KCNQ1: variants seen among roughly 807,000 people sequenced by gnomAD.
The protein encoded by KCNQ1 is potassium voltage-gated channel subfamily KQT member 1.
In KCNQ1, 49 loss-of-function variants were observed where a neutral mutation model predicts 72.4. The ratio of observed to expected loss-of-function variants is 0.68; its 90% CI spans 0.54 to 0.86. The LOEUF (loss-of-function observed/expected upper bound fraction) is 0.86. Ranked by LOEUF, KCNQ1 falls within the 40% of genes least tolerant of loss-of-function variation. The probability of loss-of-function intolerance (pLI) is 0.00; values close to 1 mark genes in which losing one functional copy is unlikely to be tolerated. For missense variants in KCNQ1, 790 were observed against 945.1 expected, an observed-to-expected ratio of 0.84 and a Z score of 2.15; for synonymous variants, 450 against 412.6, an observed-to-expected ratio of 1.09 and a Z score of -1.10.
rs11827207 is a variant in KCNQ1, at chr11:2,673,481, G to A, written c.1514+11400G>A. 7,686 of 398,632 alleles carry A rather than the reference G, an allele frequency of 0.019. 232 individuals are homozygous for A. Among genetic ancestry groups the A allele is most frequent in the East Asian group, 0.095 (2,656 of 28,070 alleles). 24.7% of individuals were successfully genotyped at this position (398,632 alleles called of 1,614,324 possible). Reference sequence around the variant, plus strand: ...GCCGGAACACCTGAAAAGCCATACAGACTCCTGCTCATCACAACCACTTGT... The same window carrying A: ...GCCGGAACACCTGAAAAGCCATACAAACTCCTGCTCATCACAACCACTTGT... On this transcript the variant is annotated intron_variant, in intron 11 of 15. Coordinates refer to ENST00000155840, the MANE Select transcript of KCNQ1 (RefSeq NM_000218.3). The surrounding 1 kb of genome is among the most constrained non-coding windows in gnomAD (Gnocchi z 4.5).
At chr11:2,472,027 GTT>G (rs1197787146) in intron 1 of KCNQ1, among the ~76,000 whole-genome samples, 1 of 146,278 alleles carries the variant, frequency 6.8e-6, no homozygotes. Context: ...TGTATGTATG[GTT>G]GTGTGTGTAT....
intron 11 of KCNQ1, chr11:2,692,780 T>G (rs1850609499): frequency 2.5e-6 from 1 of 398,668 alleles, no homozygotes; most frequent in Admixed American, 4.4e-5. Context: ...GCTGAGTGTT[T>G]GACAAATATT....
Position 2,477,768 on chromosome 11 carries a change from C to T in KCNQ1, c.386+32284C>T, listed in dbSNP as rs950553430. 2.0e-5 allele frequency among the ~76,000 whole-genome samples: 3 copies of T among 150,912 alleles called. No individual in the cohort carries two copies. The highest frequency in any genetic ancestry group is 1.9e-4 in the East Asian group (1 of 5,148). ...AAAAAAGACCATACATACACACATG[C>T]ACACACAACAGTGGTAATGGATTAT... On this transcript the variant is annotated intron_variant, in intron 1 of 15. Transcript: ENST00000155840. This position sits in a 1 kb window ranked among gnomAD's most constrained non-coding sequence, Gnocchi z 5.0.
chr11:2,530,666 C>G (rs1046605129), intron 2 of KCNQ1, among the ~76,000 whole-genome samples: 4 of 152,210 alleles, frequency 2.6e-5, no homozygotes, highest in Non-Finnish European at 5.9e-5. Context: ...CACGTGGGGA[C>G]TTTCACGCAT....
At chr11:2,842,966 G>A (rs545868307) in intron 15 of KCNQ1, among the ~76,000 whole-genome samples, 87 of 152,314 alleles carry the variant, frequency 5.7e-4, no homozygotes, top group African/African-American at 1.9e-3. Flanking sequence ...GCCAGGAAGC[G>A]GCAGAGGCAG....
chr11:2,737,595 A>G (rs1230931989), intron 11 of KCNQ1, among the ~76,000 whole-genome samples: 3 of 152,170 alleles, frequency 2.0e-5, no homozygotes, highest in Admixed American at 1.3e-4. Flanking sequence ...TATGATCCCA[A>G]CGTGAGTGAA....
At chr11:2,585,491 C>A (rs1392666235) in intron 8 of KCNQ1, among the ~76,000 whole-genome samples, 184 bp downstream of exon 8, 1 of 152,250 alleles carries the variant, frequency 6.6e-6, no homozygotes, top group Admixed American at 6.5e-5. Flanking sequence ...GGCATTGGAG[C>A]CTGTCTTCCT....
In KCNQ1 at chr11:2,473,551, GCGCTCAGCATGGCACAGA is replaced by G. The variant is rs1846523914; in HGVS notation, c.386+28076_386+28093del. Among the ~76,000 whole-genome samples, 1 of 152,250 alleles carries G rather than the reference GCGCTCAGCATGGCACAGA, an allele frequency of 6.6e-6. No individual in the cohort carries two copies. The highest frequency in any genetic ancestry group is 2.4e-5 in the African/African-American group (1 of 41,462). ...TCGTTGAGTCCCCTGCCGTGGGACAGCGCTCAGCATGGCACAGACGCTCAGCCGTGTCATGTGGCTTGT... is the reference window on the plus strand; with the variant it reads ...TCGTTGAGTCCCCTGCCGTGGGACAGCGCTCAGCCGTGTCATGTGGCTTGT... On this transcript the variant is annotated intron_variant, in intron 1 of 15. Coordinates refer to ENST00000155840, the MANE Select transcript of KCNQ1 (RefSeq NM_000218.3). The surrounding 1 kb of genome is among the most constrained non-coding windows in gnomAD (Gnocchi z 6.0).
chr11:2,755,413 G>C (rs1386908607), intron 11 of KCNQ1, among the ~76,000 whole-genome samples: 1 of 152,116 alleles, frequency 6.6e-6, no homozygotes. Context: ...ACCGCGCCTG[G>C]CTAATTTTGT....
At chr11:2,583,374 C>T in intron 6 of KCNQ1, 61 bp from the exon 7 acceptor site, 4 of 1,177,806 alleles carry the variant, frequency 3.4e-6, no homozygotes, top group Non-Finnish European at 5.1e-6. Context: ...TTGGGTTAGG[C>T]AGTTGGCCCT....
chr11:2,755,663 C>A (rs1453972340), intron 11 of KCNQ1, among the ~76,000 whole-genome samples: 1 of 152,206 alleles, frequency 6.6e-6, no homozygotes, highest in Non-Finnish European at 1.5e-5. Flanking sequence ...ATACAAAGTC[C>A]CTTTTCCATA....
At chr11:2,792,519 G>C (rs1005698841) in intron 15 of KCNQ1, among the ~76,000 whole-genome samples, 4 of 152,242 alleles carry the variant, frequency 2.6e-5, no homozygotes, top group Non-Finnish European at 4.4e-5. Flanking sequence ...GTCAGACCCA[G>C]GCCTTTCAAG....
intron 11 of KCNQ1, chr11:2,699,557 G>A (rs1331035677): frequency 1.2e-5 from 4 of 333,612 alleles, no homozygotes; most frequent in Non-Finnish European, 2.1e-5. Flanking sequence ...ACCGCGCGGA[G>A]GAGAACCATG....
intron 10 of KCNQ1, chr11:2,630,087 A>C (rs1160570657): frequency 2.5e-6 from 1 of 398,398 alleles, no homozygotes; most frequent in Non-Finnish European, 4.4e-6. Context: ...GTTGCAGTAC[A>C]TTCCTTCTAT....
intron 15 of KCNQ1, among the ~76,000 whole-genome samples, chr11:2,810,147 T>C (rs1267005115): frequency 6.6e-6 from 1 of 152,258 alleles, no homozygotes; most frequent in Admixed American, 6.5e-5. Context: ...AGAAGTCTTA[T>C]ACTTGCTTTA....
In KCNQ1 at chr11:2,652,277, G is replaced by A. The variant is rs189051421; in HGVS notation, c.1394-9684G>A. 207 of 398,606 alleles carry A rather than the reference G, an allele frequency of 5.2e-4. No homozygotes were observed. Among genetic ancestry groups the A allele is most frequent in the African/African-American group, 3.6e-3 (175 of 48,740 alleles). The allele number at this position is 398,606 out of a possible 1,614,324, so 24.7% of individuals were successfully genotyped here. ...TAAACATTCTGAGAACATCTGCACC[G>A]GTTTCCAAGGCTTCTCCCTCACTAA... On this transcript the variant is annotated intron_variant, in intron 10 of 15. Transcript: ENST00000155840. The surrounding 1 kb of genome is among the most constrained non-coding windows in gnomAD (Gnocchi z 5.9).
rs765906775 is a variant in KCNQ1, at chr11:2,641,929, A to C, written c.1394-20032A>C. The C allele has an allele frequency of 1.3e-5, 5 of 398,478 alleles. No homozygotes were observed. In the East Asian group the frequency reaches 1.8e-4, roughly 14 times the overall value. 24.7% of individuals were successfully genotyped at this position (398,478 alleles called of 1,614,324 possible). On this transcript the variant is annotated intron_variant, in intron 10 of 15. Coordinates refer to ENST00000155840, the MANE Select transcript of KCNQ1 (RefSeq NM_000218.3). ...TATGTTCTTGGCATCTTTGTCAAAA[A>C]TCAGTTGGCTGTAAATACATGGATT...
chr11:2,642,706 GT>G lies in KCNQ1; in HGVS notation c.1394-19252del. ...ATTTCTTTCCTTCTACTAATTTTATGTTTAGTATGGTTTGTTCTTGCTTTTC... is the reference window on the plus strand; with the variant it reads ...ATTTCTTTCCTTCTACTAATTTTATGTTAGTATGGTTTGTTCTTGCTTTTC... On this transcript the variant is annotated intron_variant, in intron 10 of 15. Coordinates refer to ENST00000155840, the MANE Select transcript of KCNQ1 (RefSeq NM_000218.3). This position sits in a 1 kb window ranked among gnomAD's most constrained non-coding sequence, Gnocchi z 4.3. 2.5e-6 allele frequency: 1 copy of G among 397,604 alleles called. No individual in the cohort carries two copies. The highest frequency in any genetic ancestry group is 1.3e-4 in the South Asian group (1 of 7,842). 24.6% of individuals were successfully genotyped at this position (397,604 alleles called of 1,614,324 possible).
intron 15 of KCNQ1, among the ~76,000 whole-genome samples, chr11:2,794,652 C>G (rs544238905): frequency 1.3e-5 from 2 of 152,036 alleles, no homozygotes; most frequent in African/African-American, 4.8e-5. Context: ...CATGGAGGGG[C>G]GTCAGGGAGT....
Sources: allele counts gnomAD v4.1 joint callset (sites outside exome capture counted in the v4.1 genomes callset), GRCh38; gene constraint gnomAD v4.1.1; non-coding constraint Gnocchi (gnomAD v3.1); transcripts MANE v1.5; gene names NCBI Gene and HGNC (gene_info 2026-07-23, HGNC 2026-07-21).